The following RGS6 variants were observed in gnomAD, a reference collection of about 807,000 sequenced individuals.
The protein encoded by RGS6 is regulator of G-protein signaling 6.
In RGS6, 30 loss-of-function variants were observed where a neutral mutation model predicts 78.5. The observed-to-expected ratio is 0.38, with a 90% CI of 0.29 to 0.52. The LOEUF (loss-of-function observed/expected upper bound fraction) is 0.52. RGS6 is among the 20% of genes least tolerant of loss of function. The pLI, the probability that RGS6 is intolerant of heterozygous loss-of-function variation, is 0.85. For synonymous variants in RGS6, 206 were observed against 206.0 expected (o/e 1.00, Z 0.00); for missense variants, 495 against 609.7 (o/e 0.81, Z 1.98).
intron 2 of RGS6, among the ~76,000 whole-genome samples, chr14:72,298,487 G>A (rs190409091): frequency 6.8e-5 from 8 of 118,380 alleles, no homozygotes; most frequent in Admixed American, 3.6e-4. Context: ...TCGCTCTGTC[G>A]CCCAGGCTGG....
intron 2 of RGS6, among the ~76,000 whole-genome samples, chr14:72,173,951 C>G (rs1023518829): frequency 6.6e-6 from 1 of 152,054 alleles, no homozygotes; most frequent in Admixed American, 6.5e-5. Context: ...TGTGTAGGGA[C>G]ACAGCCTCTT....
chr14:71,884,431 G>T, the RGS6 span, among the ~76,000 whole-genome samples: 2 of 152,196 alleles, frequency 1.3e-5, no homozygotes, highest in African/African-American at 4.8e-5. Context: ...GAGTTGGGGG[G>T]TATAGAGGTT....
chr14:72,611,241 G>C, the RGS6 span, among the ~76,000 whole-genome samples: 1 of 152,240 alleles, frequency 6.6e-6, no homozygotes, highest in Non-Finnish European at 1.5e-5. Flanking sequence ...ATAACTCAAA[G>C]CTGAAATCTG....
At chr14:71,995,541 T>G (rs1301584020) in intron 2 of RGS6, among the ~76,000 whole-genome samples, 1 of 152,150 alleles carries the variant, frequency 6.6e-6, no homozygotes, top group Non-Finnish European at 1.5e-5. Context: ...ATGGGAAGTT[T>G]CCTTGATCTC....
intron 16 of RGS6, among the ~76,000 whole-genome samples, chr14:72,539,342 C>T (rs1567082846): frequency 6.6e-6 from 1 of 152,174 alleles, no homozygotes; most frequent in Non-Finnish European, 1.5e-5. Context: ...TGAGAAAACA[C>T]ACAATCCCCA....
chr14:72,281,126 G>A (rs2061495049), intron 2 of RGS6, among the ~76,000 whole-genome samples: 1 of 150,710 alleles, frequency 6.6e-6, no homozygotes, highest in Admixed American at 6.6e-5. Flanking sequence ...GCTAAAAAGT[G>A]AGAAGTGAAA....
intron 15 of RGS6, among the ~76,000 whole-genome samples, chr14:72,527,753 A>G (rs1427865693): frequency 6.6e-6 from 1 of 152,178 alleles, no homozygotes; most frequent in Non-Finnish European, 1.5e-5. Flanking sequence ...CTCCCAGTCC[A>G]GTTCCTTGTC....
At chr14:72,019,490 C>T (rs1023339100) in intron 2 of RGS6, among the ~76,000 whole-genome samples, 2 of 152,136 alleles carry the variant, frequency 1.3e-5, no homozygotes, top group African/African-American at 4.8e-5. Flanking sequence ...CAGATGGGTG[C>T]ACCATTAGCA....
the RGS6 span, among the ~76,000 whole-genome samples, chr14:72,602,334 G>A: frequency 6.6e-6 from 1 of 152,222 alleles, no homozygotes; most frequent in South Asian, 2.1e-4. Context: ...GGAGAAGGAT[G>A]AGAGAGGAAG....
intron 3 of RGS6, among the ~76,000 whole-genome samples, chr14:72,398,599 G>C (rs1456365398): frequency 6.6e-6 from 1 of 152,068 alleles, no homozygotes; most frequent in African/African-American, 2.4e-5. Flanking sequence ...GCTAGCTTTT[G>C]AATGTGTTTG....
At chr14:72,178,836 G>A (rs1260309449) in intron 2 of RGS6, among the ~76,000 whole-genome samples, 1 of 152,158 alleles carries the variant, frequency 6.6e-6, no homozygotes, top group Non-Finnish European at 1.5e-5. Flanking sequence ...TCTATAAATA[G>A]TTCAAACTTT....
Position 72,518,511 on chromosome 14 carries a change from G to C in RGS6, c.1252G>C (p.Gly418Arg), listed in dbSNP as rs1459206177. Residue 418 changes from glycine (G) to arginine (R), a missense_variant, in exon 15 of 18, where the codon GGG (glycine) becomes CGG (arginine). Coordinates refer to ENST00000553525, the MANE Select transcript of RGS6 (RefSeq NM_001204424.2). ...EITSQNVKDG[G>R]RYTFEDAQEH... is the part of the protein sequence containing the mutation. ...AACCAGTCAAAATGTCAAAGATGGA[G>C]GGAGATATACATTTGAAGACGCCCA... is the stretch of plus-strand genomic sequence containing the variant. 13 of 1,614,084 alleles carry C rather than the reference G, an allele frequency of 8.1e-6. No homozygotes were observed. Among genetic ancestry groups the C allele is most frequent in the Non-Finnish European group, 8.5e-6 (10 of 1,180,028 alleles).
At chr14:72,547,022 C>A in intron 17 of RGS6, 1 of 684,454 alleles carries the variant, frequency 1.5e-6, no homozygotes, top group Non-Finnish European at 2.5e-6. Flanking sequence ...CATCCTCGTG[C>A]AGCCACATGG....
chr14:72,256,028 G>GT (rs1422126989), intron 2 of RGS6, among the ~76,000 whole-genome samples: 1 of 152,166 alleles, frequency 6.6e-6, no homozygotes, highest in Non-Finnish European at 1.5e-5. Flanking sequence ...TTACAGCCCA[G>GT]TGGTTCTTCT....
At chr14:72,500,652 T>C (rs114212181) in intron 13 of RGS6, among the ~76,000 whole-genome samples, 3,191 of 152,280 alleles carry the variant, frequency 0.021, 113 homozygotes, top group African/African-American at 0.072. Context: ...TTAAGCCACT[T>C]GGGGCAGAAG....
At chr14:72,058,442 A>T (rs1359430482) in intron 2 of RGS6, among the ~76,000 whole-genome samples, 1 of 152,164 alleles carries the variant, frequency 6.6e-6, no homozygotes, top group East Asian at 1.9e-4. Context: ...CATTAAAAAC[A>T]TTCTTTTATA....
At chr14:72,619,809 A>G in the RGS6 span, 148 of 1,187,020 alleles carry the variant, frequency 1.2e-4, no homozygotes, top group African/African-American at 1.6e-3. Flanking sequence ...ATGTAAACCC[A>G]TTAGCATAAG....
chr14:72,208,578 G>A (rs899526235), intron 2 of RGS6, among the ~76,000 whole-genome samples: 7 of 152,034 alleles, frequency 4.6e-5, no homozygotes. Flanking sequence ...GACAGGCCTG[G>A]GTCCTATTTC....
At chr14:72,371,092 A>G (rs1204086592) in intron 3 of RGS6, among the ~76,000 whole-genome samples, 2 of 152,350 alleles carry the variant, frequency 1.3e-5, no homozygotes, top group East Asian at 3.9e-4. Context: ...TGAAAATGAC[A>G]GTGCTTAATT....
Sources: allele counts gnomAD v4.1 joint callset (sites outside exome capture counted in the v4.1 genomes callset), GRCh38; gene constraint gnomAD v4.1.1; transcripts MANE v1.5; gene names NCBI Gene and HGNC (gene_info 2026-07-23, HGNC 2026-07-21).